The following PACRG variants were observed in gnomAD, a reference collection of about 807,000 sequenced individuals.
The protein encoded by PACRG is parkin coregulated gene protein.
A neutral mutation model predicts 29.7 loss-of-function variants in PACRG; 29 were observed. That is an observed-to-expected ratio of 0.98 (90% CI 0.73 to 1.33). The LOEUF is 1.33. Among genes scored for constraint, PACRG ranks in the 40% most tolerant of loss-of-function variants. The probability of loss-of-function intolerance (pLI) is 0.00; values close to 1 mark genes in which losing one functional copy is unlikely to be tolerated. For synonymous variants in PACRG, 116 were observed against 118.7 expected (o/e 0.98, Z 0.15); for missense variants, 279 against 316.2 (o/e 0.88, Z 0.89).
At chr6:162,727,823 GC>G, upstream of PACRG, 1 of 736,794 alleles carries the variant, frequency 1.4e-6, no homozygotes, top group Non-Finnish European at 2.2e-6. Flanking sequence ...GGAGGGCGCG[GC>G]CCAGGGCCTG....
intron 4 of PACRG, among the ~76,000 whole-genome samples, chr6:163,256,975 G>A (rs577590916): frequency 2.0e-5 from 3 of 152,042 alleles, no homozygotes; most frequent in Non-Finnish European, 4.4e-5. Context: ...GGTGTTCCTT[G>A]GCTCGTAGAC....
intron 1 of PACRG, among the ~76,000 whole-genome samples, chr6:162,728,732 T>C (rs1336056617): frequency 6.6e-6 from 1 of 152,192 alleles, no homozygotes; most frequent in East Asian, 1.9e-4. Flanking sequence ...CAAAGGGCCT[T>C]ATAGAAGGTG....
intron 1 of PACRG, among the ~76,000 whole-genome samples, chr6:162,755,291 T>C (rs1781823253): frequency 6.6e-6 from 1 of 152,180 alleles, no homozygotes; most frequent in Admixed American, 6.5e-5. Context: ...TTGTTTATTA[T>C]TTATTCTCTG....
chr6:163,263,638 A>G (rs977038432), intron 4 of PACRG, among the ~76,000 whole-genome samples: 1 of 152,230 alleles, frequency 6.6e-6, no homozygotes, highest in African/African-American at 2.4e-5. Flanking sequence ...ACCCACAGTC[A>G]GGTTAAAAAT....
At chr6:163,037,741 G>A (rs1808339562) in intron 2 of PACRG, among the ~76,000 whole-genome samples, 2 of 151,708 alleles carry the variant, frequency 1.3e-5, no homozygotes, top group Admixed American at 6.6e-5. Context: ...GCACATGCAT[G>A]CACACACACA....
chr6:162,784,313 T>C (rs1254784880), intron 1 of PACRG, among the ~76,000 whole-genome samples: 1 of 152,202 alleles, frequency 6.6e-6, no homozygotes, highest in African/African-American at 2.4e-5. Context: ...CCAGTTTCAG[T>C]CCTTGTTCTA....
At chr6:163,207,948 C>T (rs1039936925) in intron 4 of PACRG, among the ~76,000 whole-genome samples, 19 of 152,192 alleles carry the variant, frequency 1.2e-4, no homozygotes, top group Admixed American at 3.3e-4. Context: ...ATATGGATGT[C>T]GCTGAGAAGG....
intron 4 of PACRG, among the ~76,000 whole-genome samples, chr6:163,295,315 C>T (rs892794790): frequency 1.3e-5 from 2 of 152,116 alleles, no homozygotes; most frequent in South Asian, 4.1e-4. Flanking sequence ...TTAGGGGGAG[C>T]TCCTGTCCTA....
chr6:163,057,043 G>C (rs1438436988), intron 2 of PACRG, among the ~76,000 whole-genome samples: 3 of 152,132 alleles, frequency 2.0e-5, no homozygotes, highest in Non-Finnish European at 4.4e-5. Flanking sequence ...AACAGCGTGA[G>C]ATATATAACA....
chr6:163,024,606 G>T (rs886779002), intron 2 of PACRG, among the ~76,000 whole-genome samples: 2 of 152,098 alleles, frequency 1.3e-5, no homozygotes, highest in Non-Finnish European at 2.9e-5. Flanking sequence ...CTGATTCTGT[G>T]AAGAATGACA....
intron 4 of PACRG, among the ~76,000 whole-genome samples, chr6:163,174,402 A>G (rs1004484379): frequency 6.6e-6 from 1 of 152,206 alleles, no homozygotes. Flanking sequence ...ACTTCTGAAT[A>G]TGACCCAAAA....
At chr6:163,041,522 C>T (rs760658401) in intron 2 of PACRG, among the ~76,000 whole-genome samples, 6 of 152,192 alleles carry the variant, frequency 3.9e-5, no homozygotes, top group East Asian at 3.9e-4. Context: ...ATGTAAGACA[C>T]GCCTTGCTTC....
At chr6:162,829,656 C>T (rs1283193129) in intron 2 of PACRG, among the ~76,000 whole-genome samples, 1 of 152,128 alleles carries the variant, frequency 6.6e-6, no homozygotes, top group Non-Finnish European at 1.5e-5. Context: ...TATTACCTAG[C>T]AATGACATAG....
intron 1 of PACRG, among the ~76,000 whole-genome samples, chr6:162,740,458 C>T (rs1433619306): frequency 6.7e-6 from 1 of 150,308 alleles, no homozygotes; most frequent in African/African-American, 2.4e-5. Flanking sequence ...CTACAGGCGC[C>T]CACCACCACC....
chr6:162,727,748 C>T (rs1032734680), upstream of PACRG: 3 of 1,448,722 alleles, frequency 2.1e-6, no homozygotes, highest in East Asian at 2.5e-5. Flanking sequence ...CCACCAGCGG[C>T]TCTCCTGGGT....
intron 4 of PACRG, among the ~76,000 whole-genome samples, chr6:163,304,015 C>CA (rs59861286): frequency 0.011 from 862 of 75,920 alleles, 8 homozygotes; most frequent in East Asian, 0.049. Flanking sequence ...GACTCCATTT[C>CA]AAAAAAAAAA....
At chr6:163,260,897 A>G (rs988052272) in intron 4 of PACRG, among the ~76,000 whole-genome samples, 5 of 152,050 alleles carry the variant, frequency 3.3e-5, no homozygotes, top group Non-Finnish European at 5.9e-5. Flanking sequence ...TCTCAGGACC[A>G]TGTCTGTAAG....
intron 2 of PACRG, among the ~76,000 whole-genome samples, chr6:162,846,316 T>C (rs553582187): frequency 1.3e-5 from 2 of 152,330 alleles, no homozygotes; most frequent in African/African-American, 4.8e-5. Context: ...CAGGGTCAGT[T>C]ACATTCCCTG....
At chr6:162,741,297 G>T (rs1295755943) in intron 1 of PACRG, among the ~76,000 whole-genome samples, 1 of 152,112 alleles carries the variant, frequency 6.6e-6, no homozygotes, top group Non-Finnish European at 1.5e-5. Flanking sequence ...TATTGCTAGG[G>T]TAGTGTCTTA....
Sources: gnomAD v4.1 joint callset for allele counts (sites outside exome capture counted in the v4.1 genomes callset) on GRCh38, gnomAD v4.1.1 for gene constraint, MANE v1.5 for transcripts, NCBI Gene and HGNC (gene_info 2026-07-23, HGNC 2026-07-21) for gene names.